Variants in MRTFA observed in about 807,000 individuals in gnomAD.
MRTFA encodes myocardin-related transcription factor A.
A neutral mutation model predicts 83.5 loss-of-function variants in MRTFA; 20 were observed. That is an observed-to-expected ratio of 0.24 (90% CI 0.17 to 0.35). The LOEUF (loss-of-function observed/expected upper bound fraction) is 0.35. Ranked by LOEUF, MRTFA falls within the 10% of genes least tolerant of loss-of-function variation. The probability of loss-of-function intolerance (pLI) is 1.00; values close to 1 mark genes in which losing one functional copy is unlikely to be tolerated. For missense variants in MRTFA, 1,200 were observed against 1,224.7 expected, an observed-to-expected ratio of 0.98 and a Z score of 0.30; for synonymous variants, 659 against 541.2, an observed-to-expected ratio of 1.22 and a Z score of -3.02.
At chr22:40,629,552 A>G (rs1447812288) in intron 1 of MRTFA, among the ~76,000 whole-genome samples, 3 of 151,948 alleles carry the variant, frequency 2.0e-5, no homozygotes, top group African/African-American at 7.2e-5. Context: ...GCCTGAGGTC[A>G]GGAGTTCGAG....
Position 40,423,451 on chromosome 22 carries a change from G to A in MRTFA, c.927+85C>T, listed in dbSNP as rs1229968589. On this transcript the variant is annotated intron_variant, in intron 9 of 14. Coordinates refer to ENST00000355630, the MANE Select transcript of MRTFA (RefSeq NM_020831.6). ...GAAGACACGCACCACACCCTCTACA[G>A]CTGTCCCCACAGCTGGAATGAAGTC... The A allele has an allele frequency of 7.1e-6, 9 of 1,270,148 alleles. No homozygotes were observed. In the East Asian group the frequency reaches 2.5e-4, roughly 35 times the overall value. 78.7% of individuals were successfully genotyped at this position (1,270,148 alleles called of 1,614,324 possible).
At chr22:40,532,596 C>G (rs971943443) in intron 3 of MRTFA, among the ~76,000 whole-genome samples, 1 of 152,230 alleles carries the variant, frequency 6.6e-6, no homozygotes, top group Non-Finnish European at 1.5e-5. Flanking sequence ...GTAGTGGTAT[C>G]TGTCTTCTTT....
intron 11 of MRTFA, 92 bp downstream of exon 11, chr22:40,420,313 G>A (rs921554439): frequency 4.8e-6 from 7 of 1,446,178 alleles, no homozygotes; most frequent in Admixed American, 1.9e-5. Flanking sequence ...GTCCTAGGCT[G>A]GCTGCCTTCC....
At chr22:40,528,128 GTAAGA>G (rs1360857685) in intron 3 of MRTFA, among the ~76,000 whole-genome samples, 1 of 152,152 alleles carries the variant, frequency 6.6e-6, no homozygotes, top group Non-Finnish European at 1.5e-5. Context: ...GGAATACAGA[GTAAGA>G]TAAGATGGAG....
chr22:40,630,763 T>C (rs1385953332), intron 1 of MRTFA, among the ~76,000 whole-genome samples: 1 of 152,180 alleles, frequency 6.6e-6, no homozygotes, highest in Non-Finnish European at 1.5e-5. Context: ...AGCACAGTGG[T>C]GTGATCACAG....
At chr22:40,608,931 T>A (rs184608559) in intron 1 of MRTFA, among the ~76,000 whole-genome samples, 2 of 152,312 alleles carry the variant, frequency 1.3e-5, no homozygotes, top group Admixed American at 1.3e-4. Context: ...GAATGACTGT[T>A]ATCAAATAAA....
chr22:40,446,711 T>C (rs2053384688), intron 4 of MRTFA, among the ~76,000 whole-genome samples: 1 of 152,140 alleles, frequency 6.6e-6, no homozygotes, highest in African/African-American at 2.4e-5. Flanking sequence ...TGCCAGTGGA[T>C]TGGTGGAAGC....
chr22:40,626,004 GA>G (rs1228307025), intron 1 of MRTFA, among the ~76,000 whole-genome samples: 3 of 148,866 alleles, frequency 2.0e-5, no homozygotes, highest in Non-Finnish European at 4.5e-5. Flanking sequence ...TTTTTTTTTT[GA>G]AAGTGTCTCA....
Position 40,548,724 on chromosome 22 carries a change from C to T in MRTFA, c.241+3382G>A, listed in dbSNP as rs143783553. Among the ~76,000 whole-genome samples, 589 of 151,950 alleles carry T rather than the reference C, an allele frequency of 3.9e-3. 1 individual carries two copies. Among genetic ancestry groups the T allele is most frequent in the Admixed American group, 8.2e-3 (125 of 15,266 alleles). ...ACTAAAAATACAAAAATTACCTGGG[C>T]GTGGTGTTGCGCACCTGTAGTCCCA... On this transcript the variant is annotated intron_variant, in intron 3 of 14. Transcript: ENST00000355630.
chr22:40,562,122 C>A lies in MRTFA; in HGVS notation c.-21-9755G>T, dbSNP rs570514639. Among the ~76,000 whole-genome samples the A allele has an allele frequency of 3.9e-5, 6 of 152,010 alleles. No homozygotes were observed. In the East Asian group the frequency reaches 1.2e-3, roughly 29 times the overall value. On this transcript the variant is annotated intron_variant, in intron 2 of 14. Coordinates refer to ENST00000355630, the MANE Select transcript of MRTFA (RefSeq NM_020831.6). ...GTCCCAGCTACTCAGGAGGCTGAGG[C>A]CGGAGAACGGCGTGAACCCGGGAGG...
intron 4 of MRTFA, among the ~76,000 whole-genome samples, chr22:40,459,830 C>CATATATATACATATATATAT (rs2053673463): frequency 8.1e-5 from 7 of 86,944 alleles, no homozygotes; most frequent in African/African-American, 3.4e-4. Flanking sequence ...CACATATATA[C>CATATATATACATATATATAT]ATATATATAT....
intron 1 of MRTFA, among the ~76,000 whole-genome samples, chr22:40,605,848 G>A (rs563172732): frequency 2.6e-5 from 4 of 152,260 alleles, no homozygotes; most frequent in Admixed American, 1.3e-4. Context: ...AGGTTCCTGG[G>A]AAGCTAAAAC....
chr22:40,424,221 A>G lies in MRTFA; in HGVS notation c.762T>C (p.Ser254=). 6.2e-7 allele frequency: 1 copy of G among 1,600,120 alleles called. No individual in the cohort carries two copies. The change falls in exon 8 of 15, where the codon TCT becomes TCC. Residue 254 remains serine (S), a synonymous_variant. Transcript: ENST00000355630. ...ACACACTCACCTGGGTGGGGGATGC[A>G]GAGGTGGCACTGAGCAGTGGTTCGC...
intron 3 of MRTFA, among the ~76,000 whole-genome samples, chr22:40,511,121 T>G (rs553816351): frequency 6.6e-6 from 1 of 150,602 alleles, no homozygotes; most frequent in Non-Finnish European, 1.5e-5. Flanking sequence ...TGGAGGAGAG[T>G]TGAACTATAG....
intron 2 of MRTFA, among the ~76,000 whole-genome samples, chr22:40,577,164 A>C (rs189558025): frequency 1.4e-3 from 214 of 150,204 alleles, no homozygotes; most frequent in Non-Finnish European, 1.1e-3. Flanking sequence ...TCGAGGCTGC[A>C]GTGAGCCATG....
chr22:40,465,613 T>C (rs1281299637), intron 3 of MRTFA, among the ~76,000 whole-genome samples: 1 of 152,134 alleles, frequency 6.6e-6, no homozygotes, highest in Non-Finnish European at 1.5e-5. Flanking sequence ...CAGGCTGGAG[T>C]GCAGTGGCAT....
intron 4 of MRTFA, among the ~76,000 whole-genome samples, chr22:40,439,712 C>T (rs1441375120): frequency 6.6e-6 from 1 of 152,066 alleles, no homozygotes; most frequent in East Asian, 1.9e-4. Flanking sequence ...GTCTGAGGGG[C>T]CCCAGGGCTC....
At chr22:40,531,262 CTT>C (rs397868211) in intron 3 of MRTFA, among the ~76,000 whole-genome samples, 16 of 108,100 alleles carry the variant, frequency 1.5e-4, no homozygotes, top group Non-Finnish European at 1.7e-4. Flanking sequence ...TCATACCTGG[CTT>C]TTTTTTTTTT....
chr22:40,504,772 A>T (rs1413201971), intron 3 of MRTFA, among the ~76,000 whole-genome samples: 1 of 152,192 alleles, frequency 6.6e-6, no homozygotes. Context: ...CTCTTTTTTA[A>T]ATTATGAAAC....
Sources: allele counts gnomAD v4.1 joint callset (sites outside exome capture counted in the v4.1 genomes callset), GRCh38; gene constraint gnomAD v4.1.1; transcripts MANE v1.5; gene names NCBI Gene and HGNC (gene_info 2026-07-23, HGNC 2026-07-21).